The following PCDHA6 variants were observed in gnomAD, a reference collection of about 807,000 sequenced individuals.
The protein encoded by PCDHA6 is protocadherin alpha-6.
Under a neutral mutation model 60.3 loss-of-function variants are expected in PCDHA6, and 55 were observed. That is an observed-to-expected ratio of 0.91 (90% CI 0.73 to 1.14). The LOEUF is 1.14. Among genes scored for constraint, PCDHA6 ranks in the 50% most tolerant of loss-of-function variants. PCDHA6 has a pLI of 0.00. For missense variants in PCDHA6, 1,327 were observed against 1,256.5 expected, an observed-to-expected ratio of 1.06 and a Z score of -0.85; for synonymous variants, 652 against 557.9, an observed-to-expected ratio of 1.17 and a Z score of -2.38.
At chr5:140,843,653 C>G in intron 1 of PCDHA6, 1 of 1,595,020 alleles carries the variant, frequency 6.3e-7, no homozygotes, top group Non-Finnish European at 8.6e-7. Context: ...CTGCCTTCCT[C>G]CTGATCTGGG....
At chr5:140,848,605 A>G in intron 1 of PCDHA6, 4 of 1,593,610 alleles carry the variant, frequency 2.5e-6, no homozygotes, top group African/African-American at 2.7e-5. Flanking sequence ...TCCGTCCCGG[A>G]GGAAGCCGAA....
Position 140,830,452 on chromosome 5 carries a change from G to A in PCDHA6, c.2361G>A (p.Glu787=), listed in dbSNP as rs1771077963. ...GTCCTATTATGATGGGTAAGGCGGA[G>A]AATCAGGATTTAAATGAAGATCATG... The part of the protein sequence containing the change: ...SPCPIMMGKA[E]NQDLNEDHDA... Residue 787 remains glutamate (E), a synonymous_variant, in exon 1 of 4, where the codon GAG becomes GAA. Coordinates refer to ENST00000529310, the MANE Select transcript of PCDHA6 (RefSeq NM_018909.4). The A allele has an allele frequency of 1.3e-6, 2 of 1,597,194 alleles. No individual in the cohort carries two copies. The highest frequency in any genetic ancestry group is 1.3e-5 in the African/African-American group (1 of 74,576).
chr5:140,975,527 A>G (rs782267941), intron 1 of PCDHA6, among the ~76,000 whole-genome samples: 2 of 152,220 alleles, frequency 1.3e-5, no homozygotes, highest in Non-Finnish European at 2.9e-5. Context: ...CAGTGGATAT[A>G]TTCTTAATAC....
In PCDHA6 at chr5:140,877,039, C is replaced by T. The variant is rs782458785; in HGVS notation, c.2394+46554C>T. ...CGGCAAGGTGTACGCGCTGCAGCCG[C>T]TAGACCACGAGGAGCTGGAGCTGCT... is the stretch of plus-strand genomic sequence containing the variant. On this transcript the variant is annotated intron_variant, in intron 1 of 3. Transcript: ENST00000529310. The T allele has an allele frequency of 3.7e-6, 6 of 1,612,576 alleles. No homozygotes were observed. In the African/African-American group the frequency reaches 5.3e-5, roughly 14 times the overall value.
intron 1 of PCDHA6, among the ~76,000 whole-genome samples, chr5:140,960,218 A>G (rs2095532618): frequency 6.6e-6 from 1 of 152,206 alleles, no homozygotes; most frequent in Non-Finnish European, 1.5e-5. Flanking sequence ...CAGGATCTCA[A>G]GAAACAGAGC....
Position 140,914,249 on chromosome 5 carries a change from G to T in PCDHA6, c.2395-64700G>T, listed in dbSNP as rs186578589. 2.8e-3 allele frequency among the ~76,000 whole-genome samples: 422 copies of T among 152,092 alleles called. 2 individuals carry two copies. Among genetic ancestry groups the T allele is most frequent in the Middle Eastern group, 0.014 (4 of 294 alleles). ...AATACTATTTGCTTTTTATATCTGG[G>T]TGCTTCAATGGTGGGTGCATATATA... is the stretch of plus-strand genomic sequence containing the variant. On this transcript the variant is annotated intron_variant, in intron 1 of 3. Coordinates refer to ENST00000529310, the MANE Select transcript of PCDHA6 (RefSeq NM_018909.4).
intron 1 of PCDHA6, chr5:140,869,875 G>C: frequency 1.2e-6 from 2 of 1,610,396 alleles, no homozygotes. Flanking sequence ...TGCTGCTAAA[G>C]AAACTCTTGT....
chr5:140,954,830 T>TG (rs2095095109), intron 1 of PCDHA6, among the ~76,000 whole-genome samples: 1 of 152,220 alleles, frequency 6.6e-6, no homozygotes, highest in Admixed American at 6.5e-5. Flanking sequence ...GGCACTTTTG[T>TG]CATGAAATCT....
chr5:140,843,802 G>A (rs2150366922), intron 1 of PCDHA6: 2 of 1,291,294 alleles, frequency 1.5e-6, no homozygotes, highest in South Asian at 1.4e-5. Flanking sequence ...GTTTTTCACC[G>A]TATTTTATAG....
At chr5:140,973,946 G>A (rs566831681) in intron 1 of PCDHA6, among the ~76,000 whole-genome samples, 45 of 152,304 alleles carry the variant, frequency 3.0e-4, no homozygotes, top group Non-Finnish European at 1.5e-4. Flanking sequence ...GAATATGATG[G>A]CATTTTACAG....
chr5:140,843,845 C>T (rs1191998999), intron 1 of PCDHA6: 4 of 1,001,396 alleles, frequency 4.0e-6, no homozygotes, highest in African/African-American at 1.6e-5. Context: ...TTTTTAGAAA[C>T]CTTTTATAAT....
At chr5:140,854,418 TA>T (rs1235351713) in intron 1 of PCDHA6, 1 of 151,722 alleles carries the variant, frequency 6.6e-6, no homozygotes, top group Non-Finnish European at 1.5e-5. Flanking sequence ...AAGTAATCTC[TA>T]AAATCAGAAT....
intron 1 of PCDHA6, chr5:140,877,875 C>T (rs2057379478): frequency 6.8e-7 from 1 of 1,475,090 alleles, no homozygotes; most frequent in Non-Finnish European, 9.0e-7. Context: ...TATTTGTTTC[C>T]TTGAAGAACT....
intron 1 of PCDHA6, among the ~76,000 whole-genome samples, chr5:140,925,996 T>C (rs2082856637): frequency 6.6e-6 from 1 of 152,190 alleles, no homozygotes; most frequent in Non-Finnish European, 1.5e-5. Context: ...CTGGCTCCGC[T>C]GCCTCGAAAA....
intron 1 of PCDHA6, chr5:140,847,877 C>T (rs1305831915): frequency 6.7e-6 from 1 of 149,752 alleles, no homozygotes; most frequent in African/African-American, 2.4e-5. Flanking sequence ...CCAGACATGA[C>T]TAAGTTTCTT....
intron 1 of PCDHA6, among the ~76,000 whole-genome samples, chr5:140,953,875 C>T (rs1054189459): frequency 4.6e-5 from 7 of 152,088 alleles, no homozygotes; most frequent in Admixed American, 4.6e-4. Context: ...CTGCACAGAT[C>T]AACCCATCAC....
chr5:140,891,931 G>A (rs2063313924), intron 1 of PCDHA6, among the ~76,000 whole-genome samples: 1 of 152,168 alleles, frequency 6.6e-6, no homozygotes, highest in Non-Finnish European at 1.5e-5. Flanking sequence ...CTTGATCTTG[G>A]ACTTCCCCTA....
chr5:140,854,113 G>A (rs2042980116), intron 1 of PCDHA6: 1 of 316,648 alleles, frequency 3.2e-6, no homozygotes, highest in African/African-American at 2.4e-5. Flanking sequence ...AGTGAACTGT[G>A]ATGGCACAAC....
intron 1 of PCDHA6, among the ~76,000 whole-genome samples, chr5:140,840,629 G>C (rs190376919): frequency 6.6e-6 from 1 of 152,022 alleles, no homozygotes; most frequent in South Asian, 2.1e-4. Flanking sequence ...ACAAGCTATA[G>C]AGATATAGAG....
Sources: gnomAD v4.1 joint callset for allele counts (sites outside exome capture counted in the v4.1 genomes callset) on GRCh38, gnomAD v4.1.1 for gene constraint, MANE v1.5 for transcripts, NCBI Gene and HGNC (gene_info 2026-07-23, HGNC 2026-07-21) for gene names.